The following NRG3 variants were observed in gnomAD, a reference collection of about 807,000 sequenced individuals.
NRG3 encodes pro-neuregulin-3, membrane-bound isoform.
NRG3 carries 31 observed loss-of-function variants against 66.9 expected under a neutral mutation model. The observed-to-expected ratio is 0.46, with a 90% CI of 0.35 to 0.63. The LOEUF (loss-of-function observed/expected upper bound fraction) is 0.63. Among genes scored for constraint, NRG3 ranks in the 20% least tolerant of loss-of-function variants. The pLI is 0.00. For missense variants in NRG3, 910 were observed against 878.9 expected (o/e 1.04, Z -0.45); for synonymous variants, 393 against 359.4 (o/e 1.09, Z -1.06).
At chr10:82,343,312 G>A (rs761650528) in intron 1 of NRG3, among the ~76,000 whole-genome samples, 4 of 151,900 alleles carry the variant, frequency 2.6e-5, no homozygotes, top group Admixed American at 6.6e-5. Context: ...ATTTACAATC[G>A]TTACAAAAAA....
chr10:82,765,837 C>A (rs980984227), intron 3 of NRG3, among the ~76,000 whole-genome samples: 1 of 152,080 alleles, frequency 6.6e-6, no homozygotes, highest in East Asian at 1.9e-4. Flanking sequence ...TCTATATGAA[C>A]ATGATTTTTT....
chr10:82,390,600 G>C (rs1041405663), intron 2 of NRG3, among the ~76,000 whole-genome samples: 1 of 152,120 alleles, frequency 6.6e-6, no homozygotes, highest in African/African-American at 2.4e-5. Context: ...AAAATGTGTA[G>C]TTTGAATAAG....
chr10:81,985,206 G>A (rs1405344179), intron 1 of NRG3, among the ~76,000 whole-genome samples: 1 of 152,210 alleles, frequency 6.6e-6, no homozygotes, highest in African/African-American at 2.4e-5. Context: ...TATGGAGACT[G>A]AGCACAACAT....
chr10:81,945,690 G>A (rs891290428), intron 1 of NRG3, among the ~76,000 whole-genome samples: 4 of 152,038 alleles, frequency 2.6e-5, no homozygotes, highest in African/African-American at 9.7e-5. Flanking sequence ...ATATATTGAA[G>A]TACTAACTCC....
At chr10:81,983,950 T>A (rs930153445) in intron 1 of NRG3, among the ~76,000 whole-genome samples, 1 of 152,100 alleles carries the variant, frequency 6.6e-6, no homozygotes, top group African/African-American at 2.4e-5. Flanking sequence ...ACTGCTATAA[T>A]CACAGTTGTT....
At chr10:81,906,622 C>T (rs1286915931) in intron 1 of NRG3, among the ~76,000 whole-genome samples, 3 of 151,956 alleles carry the variant, frequency 2.0e-5, no homozygotes, top group Non-Finnish European at 2.9e-5. Context: ...TATGTTGCCA[C>T]GTGAGGTCTG....
intron 3 of NRG3, among the ~76,000 whole-genome samples, chr10:82,776,139 T>C (rs897844032): frequency 1.3e-4 from 20 of 152,216 alleles, no homozygotes; most frequent in Non-Finnish European, 2.4e-4. Context: ...CTTCTGACAT[T>C]TTGCATATCT....
intron 3 of NRG3, among the ~76,000 whole-genome samples, chr10:82,852,720 A>G (rs1174182247): frequency 6.6e-6 from 1 of 152,252 alleles, no homozygotes; most frequent in Non-Finnish European, 1.5e-5. Flanking sequence ...AAATTCATCC[A>G]TACGTAGCTT....
In NRG3 at chr10:81,916,807, G is replaced by C. The variant is rs185644712; in HGVS notation, c.823+40644G>C. 1.5e-3 allele frequency among the ~76,000 whole-genome samples: 232 copies of C among 152,254 alleles called. 1 individual carries two copies. The highest frequency in any genetic ancestry group is 2.9e-3 in the Non-Finnish European group (196 of 68,020). On this transcript the variant is annotated intron_variant, in intron 1 of 8. Coordinates refer to ENST00000372141, the MANE Select transcript of NRG3 (RefSeq NM_001010848.4). ...AGCCAATGAGTAGTGCCTAATAATT[G>C]TACTGCCTTTCTGCCAGGTGCCAAC...
rs1396022732 is a variant in NRG3, at chr10:82,986,615, G to A, written c.*1010G>A. 1.3e-5 allele frequency: 2 copies of A among 152,166 alleles called. No homozygotes were observed. Among genetic ancestry groups the A allele is most frequent in the Non-Finnish European group, 2.9e-5 (2 of 68,034 alleles). The allele number at this position is 152,166 out of a possible 1,614,324, so 9.4% of individuals were successfully genotyped here. ...GTTCTTAAATCAAGGTCACTTGCAT[G>A]GTGGGGTCGTATAAAACTCTTGACA... On this transcript the variant is annotated 3_prime_UTR_variant, in exon 9 of 9. Coordinates refer to ENST00000372141, the MANE Select transcript of NRG3 (RefSeq NM_001010848.4).
intron 1 of NRG3, among the ~76,000 whole-genome samples, chr10:82,358,477 T>C (rs953035665): frequency 7.2e-5 from 11 of 152,194 alleles, no homozygotes; most frequent in Non-Finnish European, 1.3e-4. Context: ...ATTCAGCTTT[T>C]AGTGTTTACT....
At chr10:82,807,357 G>A (rs1438359978) in intron 3 of NRG3, among the ~76,000 whole-genome samples, 1 of 152,092 alleles carries the variant, frequency 6.6e-6, no homozygotes, top group Non-Finnish European at 1.5e-5. Context: ...CTCAATAAGG[G>A]GAACTGACAG....
At chr10:82,165,513 G>A (rs983493508) in intron 1 of NRG3, among the ~76,000 whole-genome samples, 2 of 151,848 alleles carry the variant, frequency 1.3e-5, no homozygotes, top group Non-Finnish European at 2.9e-5. Context: ...CTTTTCATTA[G>A]GCATTTGTTC....
At position 82,533,198 on chromosome 10, in the gene NRG3, G is replaced by C. The variant is rs192541535; in HGVS notation, c.953+174330G>C. On this transcript the variant is annotated intron_variant, in intron 2 of 8. Transcript: ENST00000372141. ...ATGTAGGAATTCCTTACATGTTTGG[G>C]GGTCTAACATATATGGTTTGCAAAT... 8.1e-4 allele frequency among the ~76,000 whole-genome samples: 123 copies of C among 151,576 alleles called. 1 individual carries two copies. The highest frequency in any genetic ancestry group is 1.6e-4 in the Non-Finnish European group (11 of 67,818).
At chr10:81,920,929 A>G (rs1291744751) in intron 1 of NRG3, among the ~76,000 whole-genome samples, 2 of 152,134 alleles carry the variant, frequency 1.3e-5, no homozygotes, top group Non-Finnish European at 2.9e-5. Context: ...ATAACCTAAT[A>G]TGAAAGTGAT....
At chr10:81,967,325 T>C (rs913844469) in intron 1 of NRG3, among the ~76,000 whole-genome samples, 2 of 151,850 alleles carry the variant, frequency 1.3e-5, no homozygotes, top group African/African-American at 2.4e-5. Context: ...TTTTATTTTA[T>C]TATTGTATAG....
intron 1 of NRG3, among the ~76,000 whole-genome samples, chr10:82,020,598 A>G (rs1317278087): frequency 6.6e-6 from 1 of 152,138 alleles, no homozygotes; most frequent in Non-Finnish European, 1.5e-5. Flanking sequence ...AGACTTTCAT[A>G]ATCCTAAACT....
At chr10:82,671,696 G>A (rs2053289230) in intron 2 of NRG3, among the ~76,000 whole-genome samples, 1 of 152,108 alleles carries the variant, frequency 6.6e-6, no homozygotes, top group African/African-American at 2.4e-5. Flanking sequence ...CTTCATAGGT[G>A]GTAAATACCT....
chr10:81,921,417 T>C (rs1264301218), intron 1 of NRG3, among the ~76,000 whole-genome samples: 3 of 152,100 alleles, frequency 2.0e-5, no homozygotes, highest in African/African-American at 7.2e-5. Flanking sequence ...GTAGTTTTGC[T>C]TCACATAGTC....
Sources: allele counts gnomAD v4.1 joint callset (sites outside exome capture counted in the v4.1 genomes callset), GRCh38; gene constraint gnomAD v4.1.1; transcripts MANE v1.5; gene names NCBI Gene and HGNC (gene_info 2026-07-23, HGNC 2026-07-21).